The following DZIP3 variants were observed in gnomAD, a reference collection of about 807,000 sequenced individuals.
DZIP3 encodes the protein E3 ubiquitin-protein ligase DZIP3.
In DZIP3, 118 loss-of-function variants were observed where a neutral mutation model predicts 162.0. That is an observed-to-expected ratio of 0.73 (90% confidence interval 0.63 to 0.85). The LOEUF (loss-of-function observed/expected upper bound fraction) is 0.85, where lower values mean the gene tolerates loss of function less well. Ranked by LOEUF, DZIP3 falls within the 40% of genes least tolerant of loss-of-function variation. The pLI is 0.00. For missense variants in DZIP3, 1,331 were observed against 1,407.0 expected, an observed-to-expected ratio of 0.95 and a Z score of 0.86; for synonymous variants, 438 against 458.6, an observed-to-expected ratio of 0.96 and a Z score of 0.57.
intron 23 of DZIP3, 37 bp from the exon 24 acceptor site, chr3:108,674,041 C>T: frequency 6.8e-7 from 1 of 1,464,810 alleles, no homozygotes; most frequent in Non-Finnish European, 9.5e-7. Context: ...TACAAGCACA[C>T]CTTCAACTTC....
chr3:108,692,022 G>C (rs762786152), intron 32 of DZIP3, among the ~76,000 whole-genome samples: 1 of 151,908 alleles, frequency 6.6e-6, no homozygotes, highest in Admixed American at 6.6e-5. Context: ...AACATTGTCC[G>C]CATAAATAAG....
intron 1 of DZIP3, among the ~76,000 whole-genome samples, chr3:108,601,624 C>T (rs562855847): frequency 6.6e-6 from 1 of 152,236 alleles, no homozygotes; most frequent in South Asian, 2.1e-4. Flanking sequence ...GGGACATCCA[C>T]CCACACTTTG....
At chr3:108,645,481 C>T (rs1384283856) in intron 14 of DZIP3, among the ~76,000 whole-genome samples, 4 of 152,170 alleles carry the variant, frequency 2.6e-5, no homozygotes, top group Non-Finnish European at 4.4e-5. Context: ...CACTCCCAAA[C>T]TTGTCTATTG....
chr3:108,629,841 C>A (rs903697471), intron 8 of DZIP3, among the ~76,000 whole-genome samples: 7 of 151,066 alleles, frequency 4.6e-5, no homozygotes, highest in Admixed American at 4.6e-4. Context: ...TTTTTTATTT[C>A]TCAGTCATTA....
At chr3:108,590,620 G>T (rs115525534) in intron 1 of DZIP3, among the ~76,000 whole-genome samples, 1 of 152,182 alleles carries the variant, frequency 6.6e-6, no homozygotes, top group Admixed American at 6.5e-5. Context: ...CCCCTGCTGC[G>T]AGGGAACTGT....
intron 1 of DZIP3, among the ~76,000 whole-genome samples, chr3:108,604,507 A>G (rs2107474548): frequency 6.6e-6 from 1 of 152,300 alleles, no homozygotes; most frequent in African/African-American, 2.4e-5. Flanking sequence ...CTTGGAATAA[A>G]TAGCTATGTA....
chr3:108,689,674 G>A (rs1447600952), intron 31 of DZIP3, among the ~76,000 whole-genome samples: 1 of 152,090 alleles, frequency 6.6e-6, no homozygotes, highest in Non-Finnish European at 1.5e-5. Context: ...GTGATAGAGT[G>A]AGACTCCATC....
intron 26 of DZIP3, among the ~76,000 whole-genome samples, chr3:108,683,174 G>A (rs1165540661): frequency 6.6e-6 from 1 of 150,518 alleles, no homozygotes; most frequent in East Asian, 1.9e-4. Context: ...TATGCTTTAG[G>A]ATATATCCTA....
intron 15 of DZIP3, among the ~76,000 whole-genome samples, chr3:108,647,494 G>A (rs1233790899): frequency 6.6e-6 from 1 of 152,084 alleles, no homozygotes; most frequent in Non-Finnish European, 1.5e-5. Flanking sequence ...AAGTCTCAAA[G>A]AAAAGGTCAC....
intron 15 of DZIP3, 22 bp from the exon 16 acceptor site, chr3:108,647,921 G>A (rs1942700815): frequency 6.8e-7 from 1 of 1,467,586 alleles, no homozygotes; most frequent in Non-Finnish European, 9.0e-7. Context: ...TAGATTTTGA[G>A]AATTTTGTCT....
At chr3:108,590,383 T>G (rs1444326411) in intron 1 of DZIP3, among the ~76,000 whole-genome samples, 4 of 152,232 alleles carry the variant, frequency 2.6e-5, no homozygotes, top group African/African-American at 9.6e-5. Flanking sequence ...TTCAAAAGAA[T>G]TTTTTTGAAT....
Position 108,634,969 on chromosome 3 carries a change from T to G in DZIP3, c.915T>G (p.Asp305Glu). 6.3e-7 allele frequency: 1 copy of G among 1,577,026 alleles called. No homozygotes were observed. The highest frequency in any genetic ancestry group is 8.7e-7 in the Non-Finnish European group (1 of 1,150,178). Reference protein sequence around the residue: ...FKNLKYPGENDQSFSGKKCLK... With the variant: ...FKNLKYPGENEQSFSGKKCLK... ...ATTTAAAGTATCCAGGTGAAAATGA[T>G]CAGGTATTATATTCGTTCTTAAAAC... The change falls in exon 10 of 33, where the codon GAT becomes GAG. Residue 305 changes from aspartate to glutamate, a missense_variant. Physicochemically the swap from Asp to Glu is conservative, Grantham distance 45 (BLOSUM62 2). This residue lies in a region of DZIP3 where 1,278 missense variants were observed against 1,317.1 expected (regional missense o/e 0.97). Coordinates refer to ENST00000361582, the MANE Select transcript of DZIP3 (RefSeq NM_014648.4).
intron 26 of DZIP3, 30 bp downstream of exon 26, chr3:108,677,628 C>T: frequency 6.3e-7 from 1 of 1,583,068 alleles, no homozygotes; most frequent in Non-Finnish European, 8.7e-7. Context: ...GAATAATTGC[C>T]CTTTTCATTT....
chr3:108,676,019 C>A, intron 25 of DZIP3, 146 bp downstream of exon 25: 2 of 662,726 alleles, frequency 3.0e-6, no homozygotes, highest in Non-Finnish European at 2.5e-6. Context: ...AGATTACTTC[C>A]ATGTGGTTGG....
At chr3:108,691,114 T>C (rs756653406) in intron 32 of DZIP3, 63 of 425,038 alleles carry the variant, frequency 1.5e-4, no homozygotes, top group Admixed American at 4.5e-4. Flanking sequence ...TTACACTATA[T>C]ATGCTCTTAG....
At chr3:108,656,104 T>C (rs891501135) in intron 19 of DZIP3, among the ~76,000 whole-genome samples, 1 of 152,194 alleles carries the variant, frequency 6.6e-6, no homozygotes, top group Non-Finnish European at 1.5e-5. Flanking sequence ...CAGAAACCTC[T>C]GCAGACTTAA....
chr3:108,661,743 G>A, intron 19 of DZIP3, 134 bp from the exon 20 acceptor site: 3 of 616,322 alleles, frequency 4.9e-6, no homozygotes, highest in Non-Finnish European at 2.9e-6. Flanking sequence ...AGGGGAGGTG[G>A]GTTTATCTAA....
At chr3:108,614,003 G>C (rs539679189) in intron 4 of DZIP3, among the ~76,000 whole-genome samples, 2 of 152,270 alleles carry the variant, frequency 1.3e-5, no homozygotes, top group East Asian at 3.9e-4. Flanking sequence ...AGAATTTATA[G>C]CTTGAGATGT....
chr3:108,597,719 T>C (rs1939781480), intron 1 of DZIP3, among the ~76,000 whole-genome samples: 2 of 152,222 alleles, frequency 1.3e-5, no homozygotes, highest in Non-Finnish European at 2.9e-5. Context: ...TCAGGGGATA[T>C]GTGAAACTGT....
Sources: gnomAD v4.1 joint callset for allele counts (sites outside exome capture counted in the v4.1 genomes callset) on GRCh38, gnomAD v4.1.1 for gene constraint, gnomAD v4.1.1 regional missense constraint, MANE v1.5 for transcripts, NCBI Gene and HGNC (gene_info 2026-07-23, HGNC 2026-07-21) for gene names.